GLIS3: variants seen among roughly 807,000 people sequenced by gnomAD.
GLIS3 encodes the protein GLIS family zinc finger 3.
GLIS3 carries 53 observed loss-of-function variants against 78.6 expected under a neutral mutation model. The observed-to-expected ratio is 0.67, with a 90% CI of 0.54 to 0.85. GLIS3 has a LOEUF of 0.85. GLIS3 is among the 40% of genes least tolerant of loss of function. The pLI is 0.00. For synonymous variants in GLIS3, 684 were observed against 509.9 expected (o/e 1.34, Z -4.60); for missense variants, 1,703 against 1,231.1 (o/e 1.38, Z -5.74).
rs529810423 is a variant in GLIS3, at chr9:3,887,203, C to G, written c.2129-7608G>C. Among the ~76,000 whole-genome samples the G allele has an allele frequency of 4.2e-4, 64 of 152,248 alleles. 1 individual carries two copies. In the South Asian group the frequency reaches 0.013, roughly 31 times the overall value. On this transcript the variant is annotated intron_variant, in intron 7 of 10. Transcript: ENST00000381971. ...TAAGAGGATAATGAAACAATCCCTTCTCAACTGGATCGGGTGGCTGTCAGA... is the reference window on the plus strand; with the variant it reads ...TAAGAGGATAATGAAACAATCCCTTGTCAACTGGATCGGGTGGCTGTCAGA...
At chr9:4,114,830 G>C (rs1001286522) in intron 4 of GLIS3, among the ~76,000 whole-genome samples, 1 of 152,012 alleles carries the variant, frequency 6.6e-6, no homozygotes, top group Non-Finnish European at 1.5e-5. Flanking sequence ...TCTACACAAG[G>C]GTGGAGTTGT....
intron 2 of GLIS3, among the ~76,000 whole-genome samples, chr9:4,264,794 C>T (rs1311291058): frequency 6.6e-6 from 1 of 152,084 alleles, no homozygotes; most frequent in African/African-American, 2.4e-5. Context: ...TTGCTACTTT[C>T]ATTAGAACAT....
At chr9:4,378,996 G>A in the GLIS3 span, among the ~76,000 whole-genome samples, 1 of 152,190 alleles carries the variant, frequency 6.6e-6, no homozygotes, top group Non-Finnish European at 1.5e-5. Flanking sequence ...AGATTGTTAA[G>A]GGAAGAGTGT....
At chr9:4,265,457 C>T (rs1825909491) in intron 2 of GLIS3, among the ~76,000 whole-genome samples, 1 of 146,008 alleles carries the variant, frequency 6.8e-6, no homozygotes, top group Non-Finnish European at 1.5e-5. Context: ...AACTGGGATT[C>T]AATCTCACAT....
At chr9:4,300,532 A>C (rs576451954), upstream of GLIS3, among the ~76,000 whole-genome samples, 4 of 152,256 alleles carry the variant, frequency 2.6e-5, no homozygotes, top group African/African-American at 9.6e-5. Context: ...AGCACTAAGG[A>C]AGGCTTTGGC....
In GLIS3 at chr9:3,825,110, T is replaced by A. The variant is rs1171081488; in HGVS notation, c.*3162A>T. On this transcript the variant is annotated 3_prime_UTR_variant, in exon 11 of 11. Transcript: ENST00000381971. ...AAGTCAAGGTTCTCAGATGAGGGAG[T>A]TGAATTTATCCTTGCTCAAAATTGG... is the stretch of plus-strand genomic sequence containing the variant. 6.6e-6 allele frequency: 1 copy of A among 152,150 alleles called. No individual in the cohort carries two copies. The highest frequency in any genetic ancestry group is 1.5e-5 in the Non-Finnish European group (1 of 68,030). The allele number at this position is 152,150 out of a possible 1,614,324, so 9.4% of individuals were successfully genotyped here. A position where few individuals can be genotyped will look rare whatever the true frequency, so the allele number is the denominator to read the frequency against.
intron 4 of GLIS3, among the ~76,000 whole-genome samples, chr9:3,959,878 G>A (rs576316816): frequency 1.2e-4 from 19 of 152,202 alleles, no homozygotes; most frequent in Non-Finnish European, 2.4e-4. Context: ...TGGGCCGGGA[G>A]CCTTGGCTCA....
chr9:4,300,337 C>CTT (rs112998600), upstream of GLIS3, among the ~76,000 whole-genome samples: 149,815 of 152,160 alleles, frequency 0.98, 73,797 homozygotes, highest in East Asian at 1. Flanking sequence ...GTTAAACTGA[C>CTT]TTATTTTAAC....
At chr9:3,942,470 T>C (rs16920097) in intron 4 of GLIS3, among the ~76,000 whole-genome samples, 26,333 of 152,134 alleles carry the variant, frequency 0.17, 2,268 homozygotes, top group Middle Eastern at 0.24. Flanking sequence ...ACTGTCAAAG[T>C]GACTTCCACA....
intron 4 of GLIS3, among the ~76,000 whole-genome samples, chr9:3,963,261 G>A (rs1817700996): frequency 6.6e-6 from 1 of 152,152 alleles, no homozygotes; most frequent in South Asian, 2.1e-4. Flanking sequence ...CCCTTTTGCA[G>A]GTTCTGAAAT....
chr9:4,097,035 C>G (rs557510124), intron 4 of GLIS3, among the ~76,000 whole-genome samples: 2 of 151,924 alleles, frequency 1.3e-5, no homozygotes, highest in Non-Finnish European at 2.9e-5. Flanking sequence ...AACAAACAAA[C>G]AAAGGTGGAA....
chr9:4,110,636 G>C (rs566129506), intron 4 of GLIS3, among the ~76,000 whole-genome samples: 1 of 152,232 alleles, frequency 6.6e-6, no homozygotes, highest in Non-Finnish European at 1.5e-5. Flanking sequence ...AAGGACACAT[G>C]GCTTCCCAGA....
chr9:4,195,868 G>A (rs1818789861), intron 2 of GLIS3, among the ~76,000 whole-genome samples: 1 of 152,254 alleles, frequency 6.6e-6, no homozygotes, highest in Non-Finnish European at 1.5e-5. Context: ...ATCTAGTGAG[G>A]ACGTGGAGAA....
At chr9:3,899,209 G>C (rs921693027) in intron 6 of GLIS3, among the ~76,000 whole-genome samples, 32 of 152,232 alleles carry the variant, frequency 2.1e-4, no homozygotes, top group African/African-American at 6.7e-4. Flanking sequence ...TTTTAAAATA[G>C]AAACACTGTC....
intron 2 of GLIS3, among the ~76,000 whole-genome samples, chr9:4,137,795 T>C (rs1341501588): frequency 2.0e-5 from 3 of 152,180 alleles, no homozygotes; most frequent in African/African-American, 7.2e-5. Context: ...CTCTGCTCCA[T>C]AGAGACTCTT....
At chr9:4,179,701 G>C (rs1406796786) in intron 2 of GLIS3, among the ~76,000 whole-genome samples, 2 of 152,158 alleles carry the variant, frequency 1.3e-5, no homozygotes, top group African/African-American at 4.8e-5. Context: ...GCTGAGGTTA[G>C]GAGTTCGAGA....
At chr9:4,033,069 G>A (rs1823988567) in intron 4 of GLIS3, among the ~76,000 whole-genome samples, 1 of 152,036 alleles carries the variant, frequency 6.6e-6, no homozygotes, top group African/African-American at 2.4e-5. Flanking sequence ...TAGCCAGGAT[G>A]GTCTTGATCT....
In GLIS3 at chr9:4,144,071, C is replaced by T. The variant is rs577784965; in HGVS notation, c.389-18130G>A. Among the ~76,000 whole-genome samples, 7 of 152,088 alleles carry T rather than the reference C, an allele frequency of 4.6e-5. No individual in the cohort carries two copies. The South Asian group carries it at 1.0e-3, about 23-fold the overall frequency. ...CAGCATGGTTTGGGGGAGGGTGGGA[C>T]GACAGGGCAAGTGGGAGAGCTGTTA... On this transcript the variant is annotated intron_variant, in intron 2 of 10. Coordinates refer to ENST00000381971, the MANE Select transcript of GLIS3 (RefSeq NM_001042413.2).
the GLIS3 span, among the ~76,000 whole-genome samples, chr9:4,355,610 G>C: frequency 6.6e-6 from 1 of 152,160 alleles, no homozygotes; most frequent in Non-Finnish European, 1.5e-5. Flanking sequence ...AGGAGTCAAA[G>C]ACAAGCTTTA....
Sources: gnomAD v4.1 joint callset for allele counts (sites outside exome capture counted in the v4.1 genomes callset) on GRCh38, gnomAD v4.1.1 for gene constraint, MANE v1.5 for transcripts, NCBI Gene and HGNC (gene_info 2026-07-23, HGNC 2026-07-21) for gene names.